The following RIIAD1 variants were observed in gnomAD, a reference collection of about 807,000 sequenced individuals.
RIIAD1 encodes the protein regulatory subunit of type II PKA R-subunit domain containing 1, also known as RIIa domain-containing protein 1.
In RIIAD1, 15 loss-of-function variants were observed where a neutral mutation model predicts 13.3. The ratio of observed to expected loss-of-function variants is 1.13; its 90% CI spans 0.76 to 1.74. The LOEUF is 1.74. RIIAD1 is among the 40% of genes most tolerant of loss of function. The pLI is 0.00. For missense variants in RIIAD1, 121 were observed against 112.2 expected, an observed-to-expected ratio of 1.08 and a Z score of -0.35; for synonymous variants, 50 against 43.3, an observed-to-expected ratio of 1.16 and a Z score of -0.61.
chr1:151,720,318 C>G (rs1673713939), upstream of RIIAD1, among the ~76,000 whole-genome samples: 1 of 146,796 alleles, frequency 6.8e-6, no homozygotes, highest in Admixed American at 6.9e-5. Flanking sequence ...CAAGAGGAAC[C>G]ATTATCTCTG....
At chr1:151,728,628 G>A in intron 3 of RIIAD1, 138 bp from the exon 4 acceptor site, 1 of 655,078 alleles carries the variant, frequency 1.5e-6, no homozygotes, top group Non-Finnish European at 2.8e-6. Context: ...ATATTACATT[G>A]TAAAGCAGGG....
At chr1:151,728,212 C>A (rs577268220) in intron 3 of RIIAD1, among the ~76,000 whole-genome samples, 1 of 152,326 alleles carries the variant, frequency 6.6e-6, no homozygotes, top group East Asian at 1.9e-4. Context: ...GCAGATGCTG[C>A]CTCTGATTCA....
chr1:151,714,154 G>A (rs184754509), intron 3 of RIIAD1, among the ~76,000 whole-genome samples: 20 of 152,146 alleles, frequency 1.3e-4, no homozygotes, highest in African/African-American at 4.1e-4. Flanking sequence ...CAATCTAGCC[G>A]GCACCAGCTG....
At chr1:151,717,858 G>A (rs1213301250), upstream of RIIAD1, among the ~76,000 whole-genome samples, 2 of 152,192 alleles carry the variant, frequency 1.3e-5, no homozygotes, top group Non-Finnish European at 2.9e-5. Flanking sequence ...TGATTGGCAG[G>A]CTCCACGATC....
At chr1:151,728,990 A>C (rs80113901) in intron 4 of RIIAD1, 97 bp downstream of exon 4, 12,134 of 616,976 alleles carry the variant, frequency 0.02, 172 homozygotes, top group Non-Finnish European at 0.027. Context: ...TCAAGTGGAG[A>C]ATTTAAAGAG....
intron 4 of RIIAD1, chr1:151,716,035 A>G: frequency 6.2e-7 from 1 of 1,605,236 alleles, no homozygotes; most frequent in Non-Finnish European, 8.5e-7. Context: ...GCGGCCCAGG[A>G]GGAGGGGCCG....
chr1:151,721,465 C>A, upstream of RIIAD1: 1 of 945,980 alleles, frequency 1.1e-6, no homozygotes, highest in Non-Finnish European at 1.4e-6. Flanking sequence ...AGGGGCCGGG[C>A]TTGGGGGCAG....
chr1:151,723,959 C>A (rs1673785151), intron 2 of RIIAD1, among the ~76,000 whole-genome samples: 1 of 152,184 alleles, frequency 6.6e-6, no homozygotes. Flanking sequence ...TCCTGGGGAG[C>A]TTGCTCTCCA....
At chr1:151,718,393 G>A (rs1475121150), upstream of RIIAD1, among the ~76,000 whole-genome samples, 3 of 152,214 alleles carry the variant, frequency 2.0e-5, no homozygotes, top group African/African-American at 7.2e-5. Flanking sequence ...CTGGAGCCTG[G>A]GCAGTCTGGC....
At chr1:151,724,397 G>A (rs764110984) in intron 2 of RIIAD1, among the ~76,000 whole-genome samples, 13 of 152,178 alleles carry the variant, frequency 8.5e-5, no homozygotes, top group African/African-American at 1.2e-4. Flanking sequence ...GATTGGTACC[G>A]GGATGAACCA....
In RIIAD1 at chr1:151,721,541, A is replaced by G; in HGVS notation, c.5A>G (p.Glu2Gly). 1.5e-6 allele frequency: 2 copies of G among 1,324,680 alleles called. No homozygotes were observed. The highest frequency in any genetic ancestry group is 9.7e-7 in the Non-Finnish European group (1 of 1,036,188). 82.1% of individuals were successfully genotyped at this position (1,324,680 alleles called of 1,614,324 possible). A position where few individuals can be genotyped will look rare whatever the true frequency, so the allele number is the denominator to read the frequency against. Residue 2 changes from glutamate to glycine, a missense_variant, in exon 1 of 5, where the codon GAG (glutamate) becomes GGG (glycine). Coordinates refer to ENST00000479191, the MANE Select transcript of RIIAD1 (RefSeq NM_001144956.3). The stretch of plus-strand genomic sequence containing the variant: ...CGCCTTGACGACCGCAGCAAGATGG[A>G]GACGCTGCCAGGCTTGCTGCAGCGG... M[E>G]TLPGLLQRPD...
At chr1:151,714,478 G>A (rs1234490133) in exon 4 of RIIAD1, 27 of 761,948 alleles carry the variant, frequency 3.5e-5, no homozygotes, top group Non-Finnish European at 6.3e-5. Flanking sequence ...GAGAGAGGGG[G>A]ACTTCCTGGT....
intron 3 of RIIAD1, chr1:151,714,391 C>G (rs1673279856): frequency 4.7e-6 from 3 of 641,124 alleles, no homozygotes; most frequent in African/African-American, 3.6e-5. Context: ...CATGTTTACG[C>G]CACTAATCGC....
chr1:151,716,189 G>A (rs1051184564), intron 4 of RIIAD1: 11 of 635,788 alleles, frequency 1.7e-5, no homozygotes, highest in Non-Finnish European at 2.6e-5. Context: ...TCACACAAAG[G>A]AGGCCCAGGG....
At chr1:151,720,151 G>A (rs1186561230), upstream of RIIAD1, among the ~76,000 whole-genome samples, 2 of 152,062 alleles carry the variant, frequency 1.3e-5, no homozygotes, top group African/African-American at 2.4e-5. Flanking sequence ...AATCCTGTGT[G>A]TATTTTATAT....
chr1:151,721,763 C>T, intron 1 of RIIAD1, 143 bp downstream of exon 1: 1 of 513,592 alleles, frequency 1.9e-6, no homozygotes, highest in African/African-American at 2.0e-5. Context: ...AGGGGAGACC[C>T]CCGGCGGACC....
At chr1:151,728,548 C>A in intron 3 of RIIAD1, 1 of 524,176 alleles carries the variant, frequency 1.9e-6, no homozygotes, top group East Asian at 3.4e-5. Context: ...CTCTGGGAGC[C>A]CTTCCTGGGA....
Position 151,722,113 on chromosome 1 carries a change from T to C in RIIAD1, c.112T>C (p.Tyr38His). ...TCAGACTCGGATTGCTAACGAAAAGTACCTAAGGACCCACAAAGAAGTAGA... is the reference window on the plus strand; with the variant it reads ...TCAGACTCGGATTGCTAACGAAAAGCACCTAAGGACCCACAAAGAAGTAGA... ...KIQTRIANEK[Y>H]LRTHKEVEWL... The change falls in exon 2 of 5, where the codon TAC becomes CAC. Residue 38 changes from tyrosine (Y) to histidine (H), a missense_variant. Physicochemically the swap from Tyr to His is moderately conservative, Grantham distance 83. Coordinates refer to ENST00000479191, the MANE Select transcript of RIIAD1 (RefSeq NM_001144956.3). 6.4e-7 allele frequency: 1 copy of C among 1,551,362 alleles called. No individual in the cohort carries two copies. Among genetic ancestry groups the C allele is most frequent in the Non-Finnish European group, 8.7e-7 (1 of 1,146,732 alleles).
chr1:151,715,907 GAC>G (rs1277913634), intron 4 of RIIAD1: 1 of 1,613,990 alleles, frequency 6.2e-7, no homozygotes, highest in South Asian at 1.1e-5. Context: ...TGTCCTTGAT[GAC>G]AGTCAGCTCA....
Sources: allele counts gnomAD v4.1 joint callset (sites outside exome capture counted in the v4.1 genomes callset), GRCh38; gene constraint gnomAD v4.1.1; transcripts MANE v1.5; gene names NCBI Gene and HGNC (gene_info 2026-07-23, HGNC 2026-07-21).